The following SHF variants were observed in gnomAD, a reference collection of about 807,000 sequenced individuals.
The protein encoded by SHF is SH2 domain-containing adapter protein F.
In SHF, 30 loss-of-function variants were observed where a neutral mutation model predicts 42.4. The observed-to-expected ratio is 0.71, with a 90% CI of 0.53 to 0.96. The LOEUF (loss-of-function observed/expected upper bound fraction) is 0.96. Among genes scored for constraint, SHF ranks in the 40% least tolerant of loss-of-function variants. The probability of loss-of-function intolerance (pLI) is 0.00; values close to 1 mark genes in which losing one functional copy is unlikely to be tolerated. For missense variants in SHF, 598 were observed against 634.0 expected (o/e 0.94, Z 0.61); for synonymous variants, 264 against 269.9 (o/e 0.98, Z 0.21).
intron 1 of SHF, among the ~76,000 whole-genome samples, chr15:45,182,581 G>A (rs1898186396): frequency 6.6e-6 from 1 of 152,156 alleles, no homozygotes; most frequent in African/African-American, 2.4e-5. Context: ...CTCCTGACTT[G>A]TAGTATGTTA....
intron 4 of SHF, 31 bp from the exon 5 acceptor site, chr15:45,172,349 A>G: frequency 6.5e-7 from 1 of 1,539,616 alleles, no homozygotes; most frequent in East Asian, 2.3e-5. Context: ...ATGGACTCTA[A>G]GGACCCTAGA....
chr15:45,187,895 C>A lies in SHF; in HGVS notation c.57G>T (p.Gly19=). The A allele has an allele frequency of 1.7e-6, 2 of 1,185,872 alleles. No homozygotes were observed. Among genetic ancestry groups the A allele is most frequent in the South Asian group, 8.5e-5 (2 of 23,558 alleles). The allele number at this position is 1,185,872 out of a possible 1,614,324, so 73.5% of individuals were successfully genotyped here. ...ACCCCCCCGGGCCGCCCCCAGCGCT[C>A]CCCTGCGTTCGCGGCCCCGGGCGGG... is the stretch of plus-strand genomic sequence containing the variant. ...AGSRPGPRTQ[G]SAGGGPGGSR... is the part of the protein sequence containing the mutation. The change falls in exon 1 of 7, where the codon GGG becomes GGT. Residue 19 remains glycine, a synonymous_variant. Transcript: ENST00000690270.
At chr15:45,181,360 G>A (rs374505733) in intron 1 of SHF, among the ~76,000 whole-genome samples, 7 of 152,364 alleles carry the variant, frequency 4.6e-5, no homozygotes, top group African/African-American at 1.7e-4. Flanking sequence ...TGGGAAGGAT[G>A]GCAGGACAGG....
chr15:45,182,235 A>G (rs1898166705), intron 1 of SHF, among the ~76,000 whole-genome samples: 1 of 152,148 alleles, frequency 6.6e-6, no homozygotes. Flanking sequence ...ACACGTTACA[A>G]TGTGTGCCTT....
chr15:45,198,132 A>G (rs1898925431), intron 2 of SHF, among the ~76,000 whole-genome samples: 1 of 152,020 alleles, frequency 6.6e-6, no homozygotes, highest in Non-Finnish European at 1.5e-5. Flanking sequence ...AAATTATCCG[A>G]GCATGGTGGT....
intron 6 of SHF, 40 bp downstream of exon 6, chr15:45,171,843 C>A: frequency 6.3e-7 from 1 of 1,599,388 alleles, no homozygotes; most frequent in Non-Finnish European, 8.5e-7. Flanking sequence ...CCCCTTCCAC[C>A]CTGCTTGCTG....
At chr15:45,181,481 C>T (rs1898124310) in intron 1 of SHF, among the ~76,000 whole-genome samples, 1 of 152,218 alleles carries the variant, frequency 6.6e-6, no homozygotes, top group South Asian at 2.1e-4. Flanking sequence ...TATAGGCTTC[C>T]GACCCCTTTG....
At chr15:45,196,304 G>A (rs1567042776) in intron 2 of SHF, among the ~76,000 whole-genome samples, 3 of 152,148 alleles carry the variant, frequency 2.0e-5, no homozygotes, top group Non-Finnish European at 4.4e-5. Flanking sequence ...ATGTTGGCCA[G>A]GCTGGTCTCG....
In SHF at chr15:45,187,704, G is replaced by A; in HGVS notation, c.248C>T (p.Pro83Leu). The change falls in exon 1 of 7, where the codon CCG becomes CTG. Residue 83 changes from proline (P) to leucine (L), a missense_variant. Around this residue, in one of 2 missense-constraint regions of SHF, gnomAD observed 159 missense variants for 109.3 expected, o/e 1.45. Coordinates refer to ENST00000690270, the MANE Select transcript of SHF (RefSeq NM_001394037.1). ...CGGGGGCGGCGCGGGGGGCGCGGCC[G>A]GAGAGGGCGCAGGGGGGCGGTAGTC... ...EPDYRPPAPS[P>L]AAPPAPPPDI... The A allele has an allele frequency of 2.5e-6, 3 of 1,179,006 alleles. No individual in the cohort carries two copies. Among genetic ancestry groups the A allele is most frequent in the Non-Finnish European group, 3.2e-6 (3 of 941,754 alleles). 73.0% of individuals were successfully genotyped at this position (1,179,006 alleles called of 1,614,324 possible).
intron 2 of SHF, among the ~76,000 whole-genome samples, chr15:45,196,980 A>T (rs962889019): frequency 6.6e-6 from 1 of 152,022 alleles, no homozygotes; most frequent in Non-Finnish European, 1.5e-5. Context: ...AAAAAGAAAG[A>T]AAGAAAGACC....
In SHF at chr15:45,180,459, T is replaced by A. The variant is rs895410069; in HGVS notation, c.499-2153A>T. On this transcript the variant is annotated intron_variant, in intron 1 of 6. Coordinates refer to ENST00000690270, the MANE Select transcript of SHF (RefSeq NM_001394037.1). ...TGGCAGCTGCTTAACAGTGTCTGAC[T>A]CAACCAACACGTTATCCATAAACCT... is the stretch of plus-strand genomic sequence containing the variant. 1.3e-4 allele frequency among the ~76,000 whole-genome samples: 20 copies of A among 152,248 alleles called. No individual in the cohort carries two copies. In the East Asian group the frequency reaches 1.3e-3, roughly 10 times the overall value.
chr15:45,175,246 T>C lies in SHF; in HGVS notation c.820A>G (p.Lys274Glu). Residue 274 changes from lysine (K) to glutamate (E), a missense_variant, in exon 3 of 7, where the codon AAG becomes GAG. Lys to Glu is a moderately conservative substitution (Grantham distance 56, BLOSUM62 1). This residue lies in a region of SHF where 439 missense variants were observed against 524.6 expected (regional missense o/e 0.84). Transcript: ENST00000690270. The part of the protein sequence containing the change: ...EEYDQPWEWK[K>E]ERISKAFAVD... ...GCAAAGGCTTTGGAAATCCGCTCCT[T>C]CTTCCACTCCCAGGGCTGGTCATAC... 1.2e-6 allele frequency: 2 copies of C among 1,611,198 alleles called. No individual in the cohort carries two copies. The highest frequency in any genetic ancestry group is 1.3e-5 in the African/African-American group (1 of 74,890).
intron 2 of SHF, among the ~76,000 whole-genome samples, chr15:45,194,265 T>A (rs1393792387): frequency 6.6e-6 from 1 of 152,106 alleles, no homozygotes; most frequent in Non-Finnish European, 1.5e-5. Context: ...AATCCATTAT[T>A]ATCATATTAT....
chr15:45,196,183 C>T (rs1323863302), intron 2 of SHF, among the ~76,000 whole-genome samples: 1 of 151,300 alleles, frequency 6.6e-6, no homozygotes, highest in South Asian at 2.1e-4. Flanking sequence ...CTGCAACCTC[C>T]GCCCCCCGGG....
chr15:45,185,432 C>T (rs780901084), intron 1 of SHF, among the ~76,000 whole-genome samples: 21 of 152,214 alleles, frequency 1.4e-4, no homozygotes, highest in Non-Finnish European at 2.6e-4. Context: ...CCAAACTCTG[C>T]TCCTAAAGGG....
rs370865802 is a variant in SHF, at chr15:45,198,951, G to A, written c.124C>T (p.Gln42Ter). ...GGCGTGAGCATCCAGGAATGGGGCTGGGCGGAACTCAGACTACCCTTGGGG... is the reference window on the plus strand; with the variant it reads ...GGCGTGAGCATCCAGGAATGGGGCTAGGCGGAACTCAGACTACCCTTGGGG... Residue 42 changes from glutamine (Q) to a stop codon, truncating the protein, a stop_gained, in exon 2 of 8, where the codon CAG (glutamine) becomes TAG (stop). Coordinates refer to the SHF transcript ENST00000290894. LOFTEE classifies it high-confidence loss of function. The A allele has an allele frequency of 6.2e-7, 1 of 1,613,904 alleles. No individual in the cohort carries two copies. The highest frequency in any genetic ancestry group is 8.5e-7 in the Non-Finnish European group (1 of 1,179,834).
At position 45,187,917 on chromosome 15, in the gene SHF, C is replaced by T. The variant is rs923423752; in HGVS notation, c.35G>A (p.Arg12His). The T allele has an allele frequency of 8.7e-7, 1 of 1,153,606 alleles. No individual in the cohort carries two copies. Among genetic ancestry groups the T allele is most frequent in the Non-Finnish European group, 1.1e-6 (1 of 938,714 alleles). 71.5% of individuals were successfully genotyped at this position (1,153,606 alleles called of 1,614,324 possible). A position where few individuals can be genotyped will look rare whatever the true frequency, so the allele number is the denominator to read the frequency against. Residue 12 changes from arginine (R) to histidine (H), a missense_variant, in exon 1 of 7, where the codon CGC becomes CAC. Arg to His is a conservative substitution (Grantham distance 29). Transcript: ENST00000690270. ...GCTCCCCTGCGTTCGCGGCCCCGGG[C>T]GGGAGCCAGCCGGAGGAGCTCCGCT... is the stretch of plus-strand genomic sequence containing the variant. Reference protein sequence around the residue: ...LLSGAPPAGSRPGPRTQGSAG... With the variant: ...LLSGAPPAGSHPGPRTQGSAG...
rs755415367 is a variant in SHF, at chr15:45,172,190, G to A, written c.1117C>T (p.Leu373=). The change falls in exon 5 of 7, where the codon CTG becomes TTG. Residue 373 remains leucine (L), a synonymous_variant. Coordinates refer to ENST00000690270, the MANE Select transcript of SHF (RefSeq NM_001394037.1). ...KPLSMEPSSP[L]GEWTDPALPL... The stretch of plus-strand genomic sequence containing the variant: ...AGTGCTGGATCTGTCCACTCCCCCA[G>A]GGGGCTGCTGGGCTCCATGCTTAGG... 1 of 1,613,924 alleles carries A rather than the reference G, an allele frequency of 6.2e-7. No homozygotes were observed. The highest frequency in any genetic ancestry group is 1.3e-5 in the African/African-American group (1 of 75,028).
At chr15:45,178,534 CTTT>C (rs3067019) in intron 1 of SHF, among the ~76,000 whole-genome samples, 1 of 126,588 alleles carries the variant, frequency 7.9e-6, no homozygotes, top group Admixed American at 8.3e-5. Flanking sequence ...TTCCTTCTTT[CTTT>C]TTTTTTTTTT....
Sources: gnomAD v4.1 joint callset for allele counts (sites outside exome capture counted in the v4.1 genomes callset) on GRCh38, gnomAD v4.1.1 for gene constraint, gnomAD v4.1.1 regional missense constraint, MANE v1.5 for transcripts, NCBI Gene and HGNC (gene_info 2026-07-23, HGNC 2026-07-21) for gene names.